The following TTC34 variants were observed in gnomAD, a reference collection of about 807,000 sequenced individuals.
TTC34 encodes the protein tetratricopeptide repeat protein 34.
In TTC34, 44 loss-of-function variants were observed where a neutral mutation model predicts 40.7. The ratio of observed to expected loss-of-function variants is 1.08; its 90% CI spans 0.85 to 1.39. The LOEUF (loss-of-function observed/expected upper bound fraction) is 1.39. Ranked by LOEUF, TTC34 falls within the 40% of genes most tolerant of loss-of-function variation. The probability of loss-of-function intolerance (pLI) is 0.00; values close to 1 mark genes in which losing one functional copy is unlikely to be tolerated. For missense variants in TTC34, 884 were observed against 838.0 expected (o/e 1.05, Z -0.68); for synonymous variants, 422 against 398.6 (o/e 1.06, Z -0.70).
At chr1:2,671,583 AC>A (rs1639702286) in intron 6 of TTC34, among the ~76,000 whole-genome samples, 3 of 146,150 alleles carry the variant, frequency 2.1e-5, no homozygotes, top group African/African-American at 7.4e-5. Flanking sequence ...CTGGAGCAGC[AC>A]CCACACCCCC....
At chr1:2,674,689 A>G (rs1356473498) in intron 6 of TTC34, among the ~76,000 whole-genome samples, 1 of 84,558 alleles carries the variant, frequency 1.2e-5, no homozygotes, top group African/African-American at 4.7e-5. Context: ...CCCCCAGGTG[A>G]GCATCTGACA....
chr1:2,642,903 C>T (rs1638936390), intron 8 of TTC34, among the ~76,000 whole-genome samples: 1 of 152,264 alleles, frequency 6.6e-6, no homozygotes, highest in Admixed American at 6.5e-5. Flanking sequence ...CTTCTGCCAG[C>T]TGTGAGCGGC....
At chr1:2,750,803 A>G (rs1488726125) in intron 6 of TTC34, among the ~76,000 whole-genome samples, 2 of 123,598 alleles carry the variant, frequency 1.6e-5, no homozygotes, top group Non-Finnish European at 3.3e-5. Flanking sequence ...AGCAGCGCCC[A>G]CACCCCCAGG....
intron 6 of TTC34, among the ~76,000 whole-genome samples, chr1:2,656,186 C>G (rs1188969565): frequency 2.3e-3 from 341 of 150,226 alleles, no homozygotes; most frequent in African/African-American, 8.2e-3. Context: ...CCCAGGTGAG[C>G]CTCTGACAGC....
intron 6 of TTC34, among the ~76,000 whole-genome samples, chr1:2,773,021 C>A (rs1166932547): frequency 4.6e-5 from 7 of 150,928 alleles, no homozygotes; most frequent in Non-Finnish European, 4.4e-5. Context: ...CCCACACCCC[C>A]AGGCGAGCAT....
chr1:2,785,728 C>G, intron 5 of TTC34, 91 bp downstream of exon 5: 2 of 1,370,962 alleles, frequency 1.5e-6, no homozygotes, highest in South Asian at 2.9e-5. Flanking sequence ...GGGGAGCATG[C>G]GTGTCCCCAC....
At chr1:2,684,399 C>A (rs77354980) in intron 6 of TTC34, among the ~76,000 whole-genome samples, 1 of 151,866 alleles carries the variant, frequency 6.6e-6, no homozygotes, top group Non-Finnish European at 1.5e-5. Context: ...TCCACACCCC[C>A]AGGTGAGCAT....
chr1:2,753,054 C>T (rs1641377434), intron 6 of TTC34, among the ~76,000 whole-genome samples: 5 of 149,678 alleles, frequency 3.3e-5, no homozygotes, highest in East Asian at 2.0e-4. Flanking sequence ...AGCACCCACA[C>T]CCCCAGGTGA....
intron 6 of TTC34, among the ~76,000 whole-genome samples, chr1:2,657,395 C>A (rs1639385915): frequency 1.1e-5 from 1 of 93,794 alleles, no homozygotes; most frequent in African/African-American, 3.2e-5. Context: ...AGGTGAGCAT[C>A]TGACCTCCCG....
chr1:2,755,832 G>A (rs1641487089), intron 6 of TTC34, among the ~76,000 whole-genome samples: 1 of 98,042 alleles, frequency 1.0e-5, no homozygotes, highest in East Asian at 3.5e-4. Context: ...AACCACAGGT[G>A]AGCATCCGAC....
At chr1:2,751,044 C>A (rs1396846536) in intron 6 of TTC34, among the ~76,000 whole-genome samples, 5 of 117,174 alleles carry the variant, frequency 4.3e-5, no homozygotes, top group Non-Finnish European at 8.5e-5. Flanking sequence ...ACAGAACCCA[C>A]ACCCCCAGGT....
exon 9 of TTC34, chr1:2,639,100 CT>C (rs1330104416): frequency 3.3e-5 from 5 of 152,246 alleles, no homozygotes; most frequent in African/African-American, 1.2e-4. Context: ...GGTTCCACCC[CT>C]GGTCATCTCC....
intron 6 of TTC34, among the ~76,000 whole-genome samples, chr1:2,752,080 G>A (rs1641338670): frequency 9.4e-6 from 1 of 106,454 alleles, no homozygotes; most frequent in Non-Finnish European, 1.8e-5. Flanking sequence ...GCACGGAGCA[G>A]CACCCACACC....
chr1:2,685,017 A>T (rs561374317), intron 6 of TTC34, among the ~76,000 whole-genome samples: 1 of 143,288 alleles, frequency 7.0e-6, no homozygotes, highest in East Asian at 2.1e-4. Context: ...AGCATCTGAC[A>T]GCATGTAACA....
chr1:2,643,668 G>A (rs1305335226), intron 8 of TTC34, among the ~76,000 whole-genome samples: 5 of 152,142 alleles, frequency 3.3e-5, no homozygotes, highest in Non-Finnish European at 5.9e-5. Context: ...GGGCAGCGGC[G>A]CCCCCTCTGC....
intron 6 of TTC34, among the ~76,000 whole-genome samples, chr1:2,685,498 A>G (rs1489332562): frequency 3.9e-5 from 5 of 126,638 alleles, no homozygotes; most frequent in African/African-American, 1.8e-4. Context: ...AGCATCTGAC[A>G]CCATGGAGCA....
intron 6 of TTC34, among the ~76,000 whole-genome samples, chr1:2,755,678 T>C (rs1348533409): frequency 2.1e-4 from 17 of 81,294 alleles, no homozygotes; most frequent in East Asian, 5.1e-4. Flanking sequence ...GGTGAGCATC[T>C]GACATCGTGG....
At chr1:2,651,906 C>T (rs1223255136) in intron 6 of TTC34, among the ~76,000 whole-genome samples, 1 of 151,880 alleles carries the variant, frequency 6.6e-6, no homozygotes, top group African/African-American at 2.4e-5. Flanking sequence ...AGCTGAGAAA[C>T]TAAGTTGGCA....
intron 6 of TTC34, among the ~76,000 whole-genome samples, chr1:2,649,879 A>G (rs557743615): frequency 3.1e-4 from 47 of 151,868 alleles, no homozygotes; most frequent in African/African-American, 1.1e-3. Flanking sequence ...CTGGAATGGC[A>G]CTCTGCATCC....
Sources: allele counts gnomAD v4.1 joint callset (sites outside exome capture counted in the v4.1 genomes callset), GRCh38; gene constraint gnomAD v4.1.1; transcripts MANE v1.5; gene names NCBI Gene and HGNC (gene_info 2026-07-23, HGNC 2026-07-21).